PREX2: variants seen among roughly 807,000 people sequenced by gnomAD.
PREX2 encodes phosphatidylinositol 3,4,5-trisphosphate-dependent Rac exchanger 2 protein.
PREX2 carries 107 observed loss-of-function variants against 203.2 expected under a neutral mutation model. The observed-to-expected ratio is 0.53, with a 90% CI of 0.45 to 0.62. The LOEUF (loss-of-function observed/expected upper bound fraction) is 0.62. Ranked by LOEUF, PREX2 falls within the 20% of genes least tolerant of loss-of-function variation. The pLI, the probability that PREX2 is intolerant of heterozygous loss-of-function variation, is 0.00. For missense variants in PREX2, 1,777 were observed against 1,955.9 expected, an observed-to-expected ratio of 0.91 and a Z score of 1.72; for synonymous variants, 672 against 663.6, an observed-to-expected ratio of 1.01 and a Z score of -0.19.
At chr8:68,187,364 C>T (rs546632475) in intron 35 of PREX2, among the ~76,000 whole-genome samples, 12 of 152,232 alleles carry the variant, frequency 7.9e-5, no homozygotes, top group East Asian at 3.9e-4. Context: ...ATTACCTCCA[C>T]GGAAAGCAGG....
In PREX2 at chr8:67,998,630, C is replaced by T. The variant is rs547181152; in HGVS notation, c.142-19216C>T. Among the ~76,000 whole-genome samples, 4 of 152,156 alleles carry T rather than the reference C, an allele frequency of 2.6e-5. No individual in the cohort carries two copies. In the South Asian group the frequency reaches 6.2e-4, roughly 24 times the overall value. ...AAAAAAACAAAAAATTAGCTAGGCA[C>T]GGTGGTGCATACCTATAGTACTAAG... On this transcript the variant is annotated intron_variant, in intron 1 of 39. Transcript: ENST00000288368.
intron 1 of PREX2, among the ~76,000 whole-genome samples, chr8:67,976,124 C>T (rs140163948): frequency 1.3e-3 from 193 of 152,238 alleles, no homozygotes; most frequent in Non-Finnish European, 1.9e-3. Context: ...AAGTTGTCTT[C>T]GTAATGAACC....
At chr8:68,099,233 C>T (rs578026553) in intron 22 of PREX2, among the ~76,000 whole-genome samples, 134 of 152,090 alleles carry the variant, frequency 8.8e-4, no homozygotes, top group Admixed American at 1.5e-3. Flanking sequence ...ATTCTTTTTG[C>T]ACTTGCCAGA....
intron 37 of PREX2, among the ~76,000 whole-genome samples, chr8:68,196,657 C>T (rs1167853416): frequency 6.6e-6 from 1 of 151,538 alleles, no homozygotes; most frequent in Non-Finnish European, 1.5e-5. Flanking sequence ...GGGGTGGATC[C>T]TCCATGAATG....
intron 3 of PREX2, among the ~76,000 whole-genome samples, chr8:68,020,503 A>G (rs1807540476): frequency 6.6e-6 from 1 of 152,142 alleles, no homozygotes; most frequent in Non-Finnish European, 1.5e-5. Context: ...TATATTTTTA[A>G]TTTTCCATCT....
chr8:68,029,355 C>T (rs1807816190), intron 5 of PREX2, among the ~76,000 whole-genome samples: 1 of 152,140 alleles, frequency 6.6e-6, no homozygotes, highest in South Asian at 2.1e-4. Flanking sequence ...CATAGAGGCA[C>T]CTGTGGTGCC....
intron 11 of PREX2, among the ~76,000 whole-genome samples, chr8:68,066,232 A>G (rs2129611482): frequency 6.6e-6 from 1 of 152,230 alleles, no homozygotes; most frequent in East Asian, 1.9e-4. Flanking sequence ...CCTTTGAGTT[A>G]CACACCCAGA....
At chr8:68,224,757 T>A in intron 39 of PREX2, 131 bp downstream of exon 39, 1 of 640,154 alleles carries the variant, frequency 1.6e-6, no homozygotes, top group Non-Finnish European at 2.8e-6. Flanking sequence ...GAGATTGCCC[T>A]TGAAACACCC....
chr8:68,222,571 T>G (rs1165492142), intron 38 of PREX2, among the ~76,000 whole-genome samples: 1 of 152,062 alleles, frequency 6.6e-6, no homozygotes, highest in Non-Finnish European at 1.5e-5. Flanking sequence ...TTAACAGAAT[T>G]CCAGTCCATA....
rs574825314 is a variant in PREX2, at chr8:68,086,345, G to A, written c.2028-1379G>A. ...AATGTAGCCTATGGCTTTCTGAAGT[G>A]TTTGAGCCCTTAGTTTTGCTCAAAC... On this transcript the variant is annotated intron_variant, in intron 18 of 39. Transcript: ENST00000288368. 2.0e-5 allele frequency among the ~76,000 whole-genome samples: 3 copies of A among 152,248 alleles called. No homozygotes were observed. The East Asian group carries it at 5.8e-4, about 29-fold the overall frequency.
intron 30 of PREX2, among the ~76,000 whole-genome samples, chr8:68,121,476 T>C (rs1392090560): frequency 1.3e-5 from 2 of 152,184 alleles, no homozygotes; most frequent in African/African-American, 2.4e-5. Flanking sequence ...TTTTTAAGTT[T>C]TTATATCAGA....
chr8:68,233,578 A>G lies in PREX2; in HGVS notation c.*2200A>G, dbSNP rs1221298987. ...TCAGTCACTCTAACTTCTGATCGTA[A>G]TAAAAATTGTAGCTAACACTTATTA... On this transcript the variant is annotated 3_prime_UTR_variant, in exon 40 of 40. Coordinates refer to ENST00000288368, the MANE Select transcript of PREX2 (RefSeq NM_024870.4). 1.3e-5 allele frequency: 2 copies of G among 152,234 alleles called. No homozygotes were observed. Among genetic ancestry groups the G allele is most frequent in the Non-Finnish European group, 2.9e-5 (2 of 68,040 alleles). The allele number at this position is 152,234 out of a possible 1,614,324, so 9.4% of individuals were successfully genotyped here. A position where few individuals can be genotyped will look rare whatever the true frequency, so the allele number is the denominator to read the frequency against.
intron 1 of PREX2, among the ~76,000 whole-genome samples, chr8:67,998,731 T>C (rs968193272): frequency 1.3e-5 from 2 of 152,162 alleles, no homozygotes; most frequent in African/African-American, 4.8e-5. Context: ...GACCATGCCA[T>C]TGTTCTCCAG....
chr8:67,998,137 T>C (rs1014830707), intron 1 of PREX2, among the ~76,000 whole-genome samples: 1 of 152,192 alleles, frequency 6.6e-6, no homozygotes, highest in Non-Finnish European at 1.5e-5. Context: ...TCTGCAGCTG[T>C]GTTGTTAAAT....
At chr8:68,059,896 G>A (rs2129611317) in intron 10 of PREX2, among the ~76,000 whole-genome samples, 1 of 152,314 alleles carries the variant, frequency 6.6e-6, no homozygotes, top group East Asian at 1.9e-4. Context: ...CTTCAGAGCT[G>A]GCAGTTGCAC....
intron 5 of PREX2, 42 bp from the exon 6 acceptor site, chr8:68,030,455 G>A: frequency 6.3e-7 from 1 of 1,599,534 alleles, no homozygotes; most frequent in Middle Eastern, 1.8e-4. Context: ...GTACCAGAAA[G>A]CTGAAGATCA....
intron 1 of PREX2, among the ~76,000 whole-genome samples, chr8:67,981,247 T>G (rs977246991): frequency 1.3e-5 from 2 of 152,122 alleles, no homozygotes; most frequent in African/African-American, 2.4e-5. Context: ...AAGACCTGGA[T>G]AAAGGAGGGT....
chr8:68,067,810 T>G (rs191666730), intron 11 of PREX2, among the ~76,000 whole-genome samples: 45 of 152,202 alleles, frequency 3.0e-4, no homozygotes, highest in African/African-American at 9.9e-4. Flanking sequence ...GAAAAAGCTT[T>G]CAGCTTTTGA....
intron 12 of PREX2, 27 bp downstream of exon 12, chr8:68,069,163 A>G (rs1234731587): frequency 2.0e-6 from 2 of 987,694 alleles, no homozygotes; most frequent in Middle Eastern, 2.1e-4. Context: ...CAACCTCTCC[A>G]ATAGTAGAAT....
Sources: gnomAD v4.1 joint callset for allele counts (sites outside exome capture counted in the v4.1 genomes callset) on GRCh38, gnomAD v4.1.1 for gene constraint, MANE v1.5 for transcripts, NCBI Gene and HGNC (gene_info 2026-07-23, HGNC 2026-07-21) for gene names.